KLHL14: variants seen among roughly 807,000 people sequenced by gnomAD.
KLHL14 encodes the protein kelch like family member 14, also known as kelch-like protein 14.
Under a neutral mutation model 64.3 loss-of-function variants are expected in KLHL14, and 22 were observed. That is an observed-to-expected ratio of 0.34 (90% CI 0.24 to 0.49). The LOEUF (loss-of-function observed/expected upper bound fraction) is 0.49, where lower values mean the gene tolerates loss of function less well. KLHL14 is among the 20% of genes least tolerant of loss of function. KLHL14 has a pLI of 0.99. For synonymous variants in KLHL14, 322 were observed against 333.4 expected, an observed-to-expected ratio of 0.97 and a Z score of 0.37; for missense variants, 661 against 789.0, an observed-to-expected ratio of 0.84 and a Z score of 1.94.
chr18:32,730,947 G>T (rs893460265), intron 3 of KLHL14, among the ~76,000 whole-genome samples: 14 of 152,142 alleles, frequency 9.2e-5, no homozygotes, highest in Non-Finnish European at 1.9e-4. Flanking sequence ...CAGACACAGA[G>T]GTATGAAAGT....
At chr18:32,711,018 A>C (rs2050016598) in intron 3 of KLHL14, among the ~76,000 whole-genome samples, 1 of 152,208 alleles carries the variant, frequency 6.6e-6, no homozygotes, top group Non-Finnish European at 1.5e-5. Context: ...GAAGGGGAGT[A>C]AAGCCTGAAC....
At chr18:32,677,429 G>T (rs2049817169) in intron 7 of KLHL14, 99 bp from the exon 8 acceptor site, 1 of 1,095,570 alleles carries the variant, frequency 9.1e-7, no homozygotes, top group African/African-American at 1.6e-5. Context: ...AGCCAAAATA[G>T]ATAATTATGT....
chr18:32,756,640 C>T (rs1237217357), intron 2 of KLHL14, among the ~76,000 whole-genome samples: 2 of 152,138 alleles, frequency 1.3e-5, no homozygotes, highest in Non-Finnish European at 2.9e-5. Context: ...TTTGCTGCTC[C>T]TTAACCCTGG....
At chr18:32,740,762 T>C (rs1030498826) in intron 3 of KLHL14, 1 of 152,210 alleles carries the variant, frequency 6.6e-6, no homozygotes, top group African/African-American at 2.4e-5. Flanking sequence ...GCTGCTACTA[T>C]TCTACTACTT....
rs990651066 is a variant in KLHL14, at chr18:32,684,887, A to T, written c.1238+2268T>A. On this transcript the variant is annotated intron_variant, in intron 5 of 8. Coordinates refer to ENST00000359358, the MANE Select transcript of KLHL14 (RefSeq NM_020805.3). Reference sequence around the variant, plus strand: ...AATGGAAACTGGGCAATGACAGAAAAATTTCATTTTAAGTTATGGATTGTT... The same window carrying T: ...AATGGAAACTGGGCAATGACAGAAATATTTCATTTTAAGTTATGGATTGTT... 8.5e-5 allele frequency among the ~76,000 whole-genome samples: 13 copies of T among 152,194 alleles called. No homozygotes were observed. The East Asian group carries it at 2.3e-3, about 27-fold the overall frequency.
At chr18:32,771,190 C>T in intron 1 of KLHL14, 1 of 174,742 alleles carries the variant, frequency 5.7e-6, no homozygotes, top group Non-Finnish European at 1.3e-5. Flanking sequence ...GACCAGCGTG[C>T]GGGGTGTGCG....
intron 4 of KLHL14, among the ~76,000 whole-genome samples, chr18:32,694,964 G>A (rs2049929940): frequency 1.3e-5 from 2 of 152,206 alleles, no homozygotes; most frequent in East Asian, 1.9e-4. Context: ...TATGGAAGAA[G>A]CACTTGCAAA....
chr18:32,741,819 A>G, intron 3 of KLHL14, 109 bp downstream of exon 3: 2 of 1,246,618 alleles, frequency 1.6e-6, no homozygotes, highest in Non-Finnish European at 2.2e-6. Context: ...CCAAAGGGGA[A>G]CAAATCAATA....
chr18:32,720,882 TGCC>T (rs1251022976), intron 3 of KLHL14, among the ~76,000 whole-genome samples: 1 of 152,198 alleles, frequency 6.6e-6, no homozygotes, highest in Non-Finnish European at 1.5e-5. Context: ...ATGATTTCAA[TGCC>T]AGGCCCATCA....
chr18:32,692,336 T>G (rs2049911583), intron 4 of KLHL14, among the ~76,000 whole-genome samples: 1 of 152,236 alleles, frequency 6.6e-6, no homozygotes, highest in African/African-American at 2.4e-5. Context: ...GATACCATTT[T>G]CATAAGAACT....
At chr18:32,689,101 G>T (rs1441444336) in intron 4 of KLHL14, among the ~76,000 whole-genome samples, 1 of 152,180 alleles carries the variant, frequency 6.6e-6, no homozygotes, top group Non-Finnish European at 1.5e-5. Context: ...AGTAGGTAAG[G>T]AGTTGGGAAG....
chr18:32,677,666 G>C (rs2049818305), intron 7 of KLHL14, among the ~76,000 whole-genome samples: 1 of 152,116 alleles, frequency 6.6e-6, no homozygotes, highest in Admixed American at 6.6e-5. Context: ...ATTGTACAAG[G>C]CACTTACAAT....
intron 2 of KLHL14, among the ~76,000 whole-genome samples, chr18:32,750,976 C>CT (rs1345864903): frequency 1.3e-5 from 2 of 152,150 alleles, no homozygotes; most frequent in African/African-American, 4.8e-5. Context: ...TCCTTTCTCT[C>CT]TTTTTTTCTC....
chr18:32,769,944 G>A lies in KLHL14; in HGVS notation c.648C>T (p.Leu216=), dbSNP rs942364132. The change falls in exon 2 of 9, where the codon CTC becomes CTT. Residue 216 remains leucine (L), a synonymous_variant. Coordinates refer to ENST00000359358, the MANE Select transcript of KLHL14 (RefSeq NM_020805.3). The stretch of plus-strand genomic sequence containing the variant: ...GCAGGGCGCGCATCTCCTCGAAGTT[G>A]AGCAGCAGCACATCCTCCACCAGGT... The part of the protein sequence containing the change: ...NKYLVEDVLL[L]NFEEMRALLD... The A allele has an allele frequency of 6.2e-7, 1 of 1,614,198 alleles. No individual in the cohort carries two copies. Among genetic ancestry groups the A allele is most frequent in the East Asian group, 2.2e-5 (1 of 44,870 alleles).
chr18:32,719,137 G>A (rs545391265), intron 3 of KLHL14, among the ~76,000 whole-genome samples: 133 of 152,200 alleles, frequency 8.7e-4, no homozygotes, highest in Middle Eastern at 6.8e-3. Context: ...TAGTAGAGAC[G>A]GGGTTTCTCC....
intron 3 of KLHL14, among the ~76,000 whole-genome samples, chr18:32,726,070 C>T (rs1223843574): frequency 1.3e-5 from 2 of 152,224 alleles, no homozygotes; most frequent in South Asian, 2.1e-4. Context: ...GTAGTCATGA[C>T]CTTAGATTAT....
chr18:32,769,695 G>A lies in KLHL14; in HGVS notation c.897C>T (p.Asn299=). The change falls in exon 2 of 9, where the codon AAC becomes AAT. Residue 299 remains asparagine (N), a synonymous_variant. Coordinates refer to ENST00000359358, the MANE Select transcript of KLHL14 (RefSeq NM_020805.3). Reference sequence around the variant, plus strand: ...GCTGCCTGAAGGGCATCAGGTGGTAGTTCATGGCGTCCAGCAGCAGCTTCT... The same window carrying A: ...GCTGCCTGAAGGGCATCAGGTGGTAATTCATGGCGTCCAGCAGCAGCTTCT... ...VCQKLLLDAM[N]YHLMPFRQHC... is the part of the protein sequence containing the mutation. 1 of 1,568,284 alleles carries A rather than the reference G, an allele frequency of 6.4e-7. No homozygotes were observed. The highest frequency in any genetic ancestry group is 8.7e-7 in the Non-Finnish European group (1 of 1,154,626).
chr18:32,700,747 A>T (rs1246537884), intron 3 of KLHL14, among the ~76,000 whole-genome samples: 1 of 152,140 alleles, frequency 6.6e-6, no homozygotes, highest in African/African-American at 2.4e-5. Flanking sequence ...ACAAGTAAAT[A>T]AGCTCTTTTG....
intron 4 of KLHL14, among the ~76,000 whole-genome samples, chr18:32,689,877 T>G (rs1487565029): frequency 6.6e-6 from 1 of 152,204 alleles, no homozygotes; most frequent in Non-Finnish European, 1.5e-5. Context: ...GATGGTGCCT[T>G]TGAAGAAGGA....
Sources: gnomAD v4.1 joint callset for allele counts (sites outside exome capture counted in the v4.1 genomes callset) on GRCh38, gnomAD v4.1.1 for gene constraint, MANE v1.5 for transcripts, NCBI Gene and HGNC (gene_info 2026-07-23, HGNC 2026-07-21) for gene names.